ADARB2: variants seen among roughly 807,000 people sequenced by gnomAD.
The protein encoded by ADARB2 is adenosine deaminase RNA specific B2 (inactive), also known as inactive double-stranded RNA-specific editase B2.
In ADARB2, 25 loss-of-function variants were observed where a neutral mutation model predicts 62.2. That is an observed-to-expected ratio of 0.40 (90% CI 0.29 to 0.56). ADARB2 has a LOEUF of 0.56. Among genes scored for constraint, ADARB2 ranks in the 20% least tolerant of loss-of-function variants. ADARB2 has a pLI of 0.43. For missense variants in ADARB2, 1,071 were observed against 1,077.4 expected (o/e 0.99, Z 0.08); for synonymous variants, 572 against 500.8 (o/e 1.14, Z -1.90).
At chr10:1,277,216 C>A (rs1831325940) in intron 3 of ADARB2, among the ~76,000 whole-genome samples, 1 of 152,124 alleles carries the variant, frequency 6.6e-6, no homozygotes, top group African/African-American at 2.4e-5. Context: ...CAAGAGCAAA[C>A]ACATTCAAAA....
At chr10:1,373,780 C>T (rs1832395629) in intron 2 of ADARB2, among the ~76,000 whole-genome samples, 1 of 63,878 alleles carries the variant, frequency 1.6e-5, no homozygotes, top group Non-Finnish European at 4.6e-5. Flanking sequence ...CTAATGAGAC[C>T]ACGTGGACTC....
intron 1 of ADARB2, among the ~76,000 whole-genome samples, chr10:1,622,310 G>A (rs1833713141): frequency 6.6e-6 from 1 of 152,078 alleles, no homozygotes; most frequent in Non-Finnish European, 1.5e-5. Context: ...CAACATAAAA[G>A]GCACAATTCA....
chr10:1,361,799 T>G (rs7915754), intron 3 of ADARB2, among the ~76,000 whole-genome samples: 64 of 152,328 alleles, frequency 4.2e-4, no homozygotes, highest in African/African-American at 1.4e-3. Context: ...CTAGGTGTTG[T>G]GATGTAACAA....
At chr10:1,528,283 G>A (rs1042258378) in intron 1 of ADARB2, among the ~76,000 whole-genome samples, 7 of 152,284 alleles carry the variant, frequency 4.6e-5, no homozygotes, top group African/African-American at 7.2e-5. Flanking sequence ...ATTTTTAAAG[G>A]GACATATCAA....
rs377566395 is a variant in ADARB2, at chr10:1,549,081, G to A, written c.101-169921C>T. On this transcript the variant is annotated intron_variant, in intron 1 of 9. Transcript: ENST00000381312. ...GACGTCTGAGGGGAACTGCAGCCGG[G>A]TTTCAGTACAGGGTGGGAGCAGAGG... 3.3e-5 allele frequency among the ~76,000 whole-genome samples: 5 copies of A among 152,224 alleles called. No homozygotes were observed. In the South Asian group the frequency reaches 6.2e-4, roughly 19 times the overall value.
intron 1 of ADARB2, among the ~76,000 whole-genome samples, chr10:1,441,609 G>A (rs1830907879): frequency 6.6e-6 from 1 of 152,104 alleles, no homozygotes; most frequent in African/African-American, 2.4e-5. Flanking sequence ...AAATCACACA[G>A]GAAGTAAATC....
intron 3 of ADARB2, among the ~76,000 whole-genome samples, chr10:1,294,143 G>A (rs1425106488): frequency 6.6e-6 from 1 of 152,216 alleles, no homozygotes; most frequent in Non-Finnish European, 1.5e-5. Context: ...TAGATCATTT[G>A]AGATGAGGAA....
At chr10:1,715,455 T>C (rs375395819) in intron 1 of ADARB2, among the ~76,000 whole-genome samples, 78 of 151,714 alleles carry the variant, frequency 5.1e-4, no homozygotes, top group African/African-American at 1.6e-3. Context: ...CTTTCAAGGT[T>C]GTTTAATATT....
chr10:1,224,671 A>T (rs532860197), intron 6 of ADARB2, among the ~76,000 whole-genome samples: 1 of 152,218 alleles, frequency 6.6e-6, no homozygotes, highest in South Asian at 2.1e-4. Flanking sequence ...TTCTGCCTTC[A>T]TTTCATTATG....
intron 1 of ADARB2, among the ~76,000 whole-genome samples, chr10:1,678,603 C>A (rs1173881348): frequency 2.0e-5 from 3 of 152,058 alleles, no homozygotes; most frequent in Non-Finnish European, 2.9e-5. Context: ...CTTGGGGGTG[C>A]TTTACCCTCC....
intron 1 of ADARB2, among the ~76,000 whole-genome samples, chr10:1,665,721 G>A (rs564199286): frequency 6.6e-6 from 1 of 152,254 alleles, no homozygotes; most frequent in African/African-American, 2.4e-5. Flanking sequence ...GGCACAGGCC[G>A]GGGTCCGGGG....
chr10:1,351,001 G>A (rs191775481), intron 3 of ADARB2, among the ~76,000 whole-genome samples: 108 of 152,194 alleles, frequency 7.1e-4, no homozygotes, highest in African/African-American at 2.5e-3. Context: ...CTCCAGGCCC[G>A]TTTACCCGAG....
At chr10:1,345,192 C>A (rs1832069456) in intron 3 of ADARB2, among the ~76,000 whole-genome samples, 1 of 152,040 alleles carries the variant, frequency 6.6e-6, no homozygotes, top group African/African-American at 2.4e-5. Context: ...GGTGGTCCCC[C>A]CTCACGAGGC....
At chr10:1,441,102 C>T (rs1830899628) in intron 1 of ADARB2, among the ~76,000 whole-genome samples, 1 of 152,172 alleles carries the variant, frequency 6.6e-6, no homozygotes. Flanking sequence ...CAGATGTCAG[C>T]TTTTGCATCT....
chr10:1,245,884 C>T (rs1017437244), intron 4 of ADARB2, among the ~76,000 whole-genome samples: 28 of 151,650 alleles, frequency 1.8e-4, no homozygotes, highest in African/African-American at 6.5e-4. Flanking sequence ...AATGGTATTT[C>T]TAGTTCTAGA....
intron 3 of ADARB2, among the ~76,000 whole-genome samples, chr10:1,362,730 G>A (rs1433325176): frequency 2.0e-5 from 3 of 152,172 alleles, no homozygotes; most frequent in African/African-American, 7.2e-5. Context: ...ACCCAGTCAC[G>A]GACGAAACCT....
intron 3 of ADARB2, among the ~76,000 whole-genome samples, chr10:1,341,743 C>G (rs1237766865): frequency 6.6e-6 from 1 of 152,048 alleles, no homozygotes; most frequent in Non-Finnish European, 1.5e-5. Flanking sequence ...GCGGCGATAA[C>G]CAGCATCCAC....
At chr10:1,401,806 C>T (rs1309425289) in intron 1 of ADARB2, among the ~76,000 whole-genome samples, 5 of 152,104 alleles carry the variant, frequency 3.3e-5, no homozygotes, top group African/African-American at 4.8e-5. Flanking sequence ...AAAACTGCAG[C>T]GAGGCCTGGG....
chr10:1,242,814 G>A (rs116408909), intron 4 of ADARB2, among the ~76,000 whole-genome samples: 1,788 of 152,286 alleles, frequency 0.012, 38 homozygotes, highest in African/African-American at 0.038. Flanking sequence ...AACACAGAAA[G>A]GAGGCTGGAT....
Sources: gnomAD v4.1 joint callset for allele counts (sites outside exome capture counted in the v4.1 genomes callset) on GRCh38, gnomAD v4.1.1 for gene constraint, MANE v1.5 for transcripts, NCBI Gene and HGNC (gene_info 2026-07-23, HGNC 2026-07-21) for gene names.